The following MYLK4 variants were observed in gnomAD, a reference collection of about 807,000 sequenced individuals.
MYLK4 encodes myosin light chain kinase family member 4.
In MYLK4, 46 loss-of-function variants were observed where a neutral mutation model predicts 48.1. The observed-to-expected ratio is 0.96, with a 90% confidence interval of 0.75 to 1.22. MYLK4 has a LOEUF of 1.22. Among genes scored for constraint, MYLK4 ranks in the 50% most tolerant of loss-of-function variants. The pLI is 0.00. For missense variants in MYLK4, 451 were observed against 486.1 expected (o/e 0.93, Z 0.68); for synonymous variants, 170 against 180.8 (o/e 0.94, Z 0.48).
chr6:2,700,610 G>A (rs74561470), intron 2 of MYLK4, among the ~76,000 whole-genome samples: 5,980 of 152,092 alleles, frequency 0.039, 157 homozygotes, highest in Middle Eastern at 0.1. Flanking sequence ...TCCACCCAGG[G>A]ATACGTGTGT....
In MYLK4 at chr6:2,732,769, C is replaced by T. The variant is rs118139787; in HGVS notation, c.159+16367G>A. 8.9e-4 allele frequency among the ~76,000 whole-genome samples: 135 copies of T among 152,242 alleles called. 3 individuals carry two copies. In the East Asian group the frequency reaches 0.025, roughly 28 times the overall value. On this transcript the variant is annotated intron_variant, in intron 2 of 12. Coordinates refer to ENST00000274643, the MANE Select transcript of MYLK4 (RefSeq NM_001012418.5). ...TGAAAATCTAGAGGGTTTGCAGGAA[C>T]GACCAAAGGGACTGCACTGTGCTTT...
the MYLK4 span, chr6:2,765,858 C>T: frequency 1.2e-5 from 17 of 1,439,384 alleles, no homozygotes; most frequent in Non-Finnish European, 1.2e-5. Context: ...GAGAGCTCGG[C>T]GCTGAAGCAG....
intron 2 of MYLK4, chr6:2,744,176 G>C (rs1763992785): frequency 5.0e-6 from 2 of 396,924 alleles, no homozygotes; most frequent in Non-Finnish European, 8.9e-6. Context: ...GGTTCTTGCA[G>C]AGTCCTGCAC....
Position 2,678,206 on chromosome 6 carries a change from C to T in MYLK4, c.1040+14G>A, listed in dbSNP as rs372089767. The T allele has an allele frequency of 4.3e-5, 69 of 1,612,634 alleles. 1 individual carries two copies. Among genetic ancestry groups the T allele is most frequent in the Admixed American group, 1.3e-4 (8 of 59,936 alleles). On this transcript the variant is annotated intron_variant, in intron 10 of 12. Coordinates refer to ENST00000274643, the MANE Select transcript of MYLK4 (RefSeq NM_001012418.5). ...TCCCTACTGCGCCCGGAGCACAGGA[C>T]GAACTTGCGTTACCTCTTCTCCTTA... is the stretch of plus-strand genomic sequence containing the variant.
the MYLK4 span, among the ~76,000 whole-genome samples, chr6:2,764,713 C>T: frequency 6.6e-6 from 1 of 152,164 alleles, no homozygotes; most frequent in African/African-American, 2.4e-5. Flanking sequence ...GCTGGTGTTT[C>T]CGATTTGCCA....
intron 2 of MYLK4, among the ~76,000 whole-genome samples, chr6:2,742,774 C>G (rs1013717197): frequency 6.7e-6 from 1 of 148,228 alleles, no homozygotes; most frequent in Non-Finnish European, 1.5e-5. Flanking sequence ...TGCTAAATGA[C>G]GAGTTAATGG....
At chr6:2,750,080 G>A (rs1429078359) in intron 1 of MYLK4, among the ~76,000 whole-genome samples, 15 of 152,176 alleles carry the variant, frequency 9.9e-5, no homozygotes, top group African/African-American at 3.6e-4. Flanking sequence ...ATATACGCAT[G>A]TCTATATGTA....
intron 2 of MYLK4, among the ~76,000 whole-genome samples, chr6:2,748,391 A>C (rs1764171968): frequency 1.3e-5 from 2 of 152,152 alleles, no homozygotes; most frequent in South Asian, 4.1e-4. Flanking sequence ...AGGCACGGGC[A>C]AAATGCTTGA....
At chr6:2,686,882 C>T (rs1035771494) in intron 4 of MYLK4, among the ~76,000 whole-genome samples, 1 of 152,178 alleles carries the variant, frequency 6.6e-6, no homozygotes, top group African/African-American at 2.4e-5. Flanking sequence ...AATGGTTTCT[C>T]CCCTTCACTA....
chr6:2,742,353 C>T (rs1763925201), intron 2 of MYLK4, among the ~76,000 whole-genome samples: 2 of 152,152 alleles, frequency 1.3e-5, no homozygotes, highest in Non-Finnish European at 2.9e-5. Flanking sequence ...TTTGACCCAG[C>T]CATCCCATTA....
the MYLK4 span, among the ~76,000 whole-genome samples, chr6:2,763,375 C>CG: frequency 6.6e-6 from 1 of 152,212 alleles, no homozygotes; most frequent in Non-Finnish European, 1.5e-5. Flanking sequence ...CCCTGGGTGC[C>CG]GTGAGGCAGT....
intron 2 of MYLK4, among the ~76,000 whole-genome samples, chr6:2,702,394 C>T (rs1165176947): frequency 6.6e-6 from 1 of 152,058 alleles, no homozygotes; most frequent in African/African-American, 2.4e-5. Flanking sequence ...AGTGCTGTAA[C>T]CTGGCTACAA....
the MYLK4 span, among the ~76,000 whole-genome samples, chr6:2,763,453 C>T: frequency 8.5e-5 from 13 of 152,334 alleles, no homozygotes; most frequent in Admixed American, 5.9e-4. Flanking sequence ...TCAGGCATGG[C>T]AGGCCTGAGC....
At chr6:2,763,625 C>T in the MYLK4 span, among the ~76,000 whole-genome samples, 1 of 152,264 alleles carries the variant, frequency 6.6e-6, no homozygotes, top group African/African-American at 2.4e-5. Flanking sequence ...CCGCGCGCAG[C>T]CCCGGTTCCC....
intron 2 of MYLK4, among the ~76,000 whole-genome samples, chr6:2,714,152 C>T (rs9503267): frequency 2.0e-5 from 3 of 152,088 alleles, no homozygotes; most frequent in South Asian, 4.1e-4. Context: ...TTCCAGGACC[C>T]GGTCAGAGGA....
intron 2 of MYLK4, among the ~76,000 whole-genome samples, chr6:2,712,450 G>A (rs142287838): frequency 2.6e-5 from 4 of 152,226 alleles, no homozygotes; most frequent in East Asian, 3.9e-4. Flanking sequence ...AAAGTACATC[G>A]CCAGTGATGT....
At chr6:2,748,070 T>C (rs1010661918) in intron 2 of MYLK4, among the ~76,000 whole-genome samples, 4 of 152,222 alleles carry the variant, frequency 2.6e-5, no homozygotes, top group African/African-American at 9.6e-5. Context: ...TCTATTGCAT[T>C]GTTAGAAACG....
At chr6:2,669,326 C>G (rs1582018327) in intron 12 of MYLK4, among the ~76,000 whole-genome samples, 1 of 152,350 alleles carries the variant, frequency 6.6e-6, no homozygotes, top group Middle Eastern at 3.4e-3. Flanking sequence ...CTCTGCACAG[C>G]CATCGCTTCG....
At chr6:2,690,225 T>C (rs1761724329) in intron 3 of MYLK4, among the ~76,000 whole-genome samples, 1 of 152,184 alleles carries the variant, frequency 6.6e-6, no homozygotes, top group Non-Finnish European at 1.5e-5. Flanking sequence ...CTCCTCAGCT[T>C]GCCTGGCTGC....
Sources: gnomAD v4.1 joint callset for allele counts (sites outside exome capture counted in the v4.1 genomes callset) on GRCh38, gnomAD v4.1.1 for gene constraint, MANE v1.5 for transcripts, NCBI Gene and HGNC (gene_info 2026-07-23, HGNC 2026-07-21) for gene names.